EIF2S3: variants seen among roughly 807,000 people sequenced by gnomAD.
The protein encoded by EIF2S3 is eukaryotic translation initiation factor 2 subunit 3.
A neutral mutation model predicts 31.7 loss-of-function variants in EIF2S3; 2 were observed. The ratio of observed to expected loss-of-function variants is 0.06; its 90% CI spans 0.03 to 0.20. The LOEUF (loss-of-function observed/expected upper bound fraction) is 0.20, where lower values mean the gene tolerates loss of function less well. Among genes scored for constraint, EIF2S3 ranks in the 10% least tolerant of loss-of-function variants. The pLI is 1.00. For missense variants in EIF2S3, 96 were observed against 359.3 expected, an observed-to-expected ratio of 0.27 and a Z score of 5.92; for synonymous variants, 120 against 126.7, an observed-to-expected ratio of 0.95 and a Z score of 0.36.
Position 24,057,764 on chromosome X carries a change from C to T in EIF2S3, c.383+10C>T. On this transcript the variant is annotated intron_variant, in intron 4 of 11. Transcript: ENST00000253039. ...ACTTCAAATTAGTCAGGTGACCTCT[C>T]TTTTGCTACAAACACTACACTTTAT... 1.7e-6 allele frequency: 2 copies of T among 1,200,016 alleles called. No homozygotes were observed. The highest frequency in any genetic ancestry group is 4.6e-5 in the Admixed American group (2 of 43,061).
At position 24,068,009 on chromosome X, in the gene EIF2S3, A is replaced by G. The variant is rs754320520; in HGVS notation, c.913A>G (p.Ser305Gly). Residue 305 changes from serine (S) to glycine (G), a missense_variant, in exon 9 of 12, where the codon AGT (serine) becomes GGT (glycine). This residue lies in a region of EIF2S3 where 30 missense variants were observed against 139.5 expected (regional missense o/e 0.22). Coordinates refer to ENST00000253039, the MANE Select transcript of EIF2S3 (RefSeq NM_001415.4). Reference sequence around the variant, plus strand: ...AAGACCTGGTATTGTTTCCAAAGATAGTGAAGGAAAACTCATGTGTAAACC... The same window carrying G: ...AAGACCTGGTATTGTTTCCAAAGATGGTGAAGGAAAACTCATGTGTAAACC... ...EVRPGIVSKD[S>G]EGKLMCKPIF... is the part of the protein sequence containing the mutation. 3.3e-6 allele frequency: 4 copies of G among 1,205,125 alleles called. No homozygotes were observed. In the South Asian group the frequency reaches 7.2e-5, roughly 22 times the overall value.
Sources: gnomAD v4.1 joint callset for allele counts on GRCh38, gnomAD v4.1.1 for gene constraint, gnomAD v4.1.1 regional missense constraint, MANE v1.5 for transcripts, NCBI Gene and HGNC (gene_info 2026-07-23, HGNC 2026-07-21) for gene names.